ATP1B3: variants seen among roughly 807,000 people sequenced by gnomAD.
ATP1B3 encodes ATPase Na+/K+ transporting subunit beta 3, also known as sodium/potassium-transporting ATPase subunit beta-3.
In ATP1B3, 10 loss-of-function variants were observed where a neutral mutation model predicts 30.2. The observed-to-expected ratio is 0.33, with a 90% CI of 0.20 to 0.56. The LOEUF is 0.56. Among genes scored for constraint, ATP1B3 ranks in the 20% least tolerant of loss-of-function variants. ATP1B3 has a pLI of 0.90. For synonymous variants in ATP1B3, 113 were observed against 117.0 expected, an observed-to-expected ratio of 0.97 and a Z score of 0.22; for missense variants, 238 against 336.7, an observed-to-expected ratio of 0.71 and a Z score of 2.29.
Position 141,890,111 on chromosome 3 carries a change from G to A in ATP1B3, c.109+13201G>A, listed in dbSNP as rs192912464. Among the ~76,000 whole-genome samples the A allele has an allele frequency of 1.4e-3, 138 of 99,454 alleles. 1 individual carries two copies. The East Asian group carries it at 0.035, about 25-fold the overall frequency. 65.2% of individuals were successfully genotyped at this position (99,454 alleles called of 152,430 possible). ...CTTTTTTTTTTTTTTTTTTTTTTGAGACAGAGTGTGGCTCGGTCACCCTGG... is the reference window on the plus strand; with the variant it reads ...CTTTTTTTTTTTTTTTTTTTTTTGAAACAGAGTGTGGCTCGGTCACCCTGG... On this transcript the variant is annotated intron_variant, in intron 1 of 6. Transcript: ENST00000286371.
chr3:141,881,838 A>G (rs1166469739), intron 1 of ATP1B3, among the ~76,000 whole-genome samples: 1 of 152,214 alleles, frequency 6.6e-6, no homozygotes, highest in African/African-American at 2.4e-5. Flanking sequence ...ACGCAGGCCA[A>G]TGGTACATGT....
intron 1 of ATP1B3, among the ~76,000 whole-genome samples, chr3:141,890,068 T>C (rs1450452291): frequency 6.8e-6 from 1 of 146,614 alleles, no homozygotes; most frequent in Non-Finnish European, 1.5e-5. Context: ...AAAAAATGCC[T>C]GTAATCTAAT....
At chr3:141,894,834 G>T (rs1577961359) in intron 1 of ATP1B3, among the ~76,000 whole-genome samples, 1 of 152,208 alleles carries the variant, frequency 6.6e-6, no homozygotes, top group Admixed American at 6.5e-5. Context: ...ACAACAAAAA[G>T]TATAGCATAG....
Position 141,907,183 on chromosome 3 carries a change from A to G in ATP1B3, c.255A>G (p.Pro85=). The G allele has an allele frequency of 6.2e-7, 1 of 1,609,884 alleles. No individual in the cohort carries two copies. ...QIPSPGLMVF[P]KPVTALEYTF... Reference sequence around the variant, plus strand: ...TCTTTATAGGACTCATGGTTTTTCCAAAACCAGTGACCGCATTGGAATATA... The same window carrying G: ...TCTTTATAGGACTCATGGTTTTTCCGAAACCAGTGACCGCATTGGAATATA... Residue 85 remains proline, a synonymous_variant, in exon 3 of 7, where the codon CCA becomes CCG. Coordinates refer to ENST00000286371, the MANE Select transcript of ATP1B3 (RefSeq NM_001679.4).
intron 1 of ATP1B3, among the ~76,000 whole-genome samples, chr3:141,885,379 C>G (rs1170066442): frequency 6.6e-6 from 1 of 152,226 alleles, no homozygotes; most frequent in Non-Finnish European, 1.5e-5. Flanking sequence ...TTCATTAACA[C>G]TCCCACCAAC....
chr3:141,889,847 A>G (rs1398000055), intron 1 of ATP1B3, among the ~76,000 whole-genome samples: 1 of 149,394 alleles, frequency 6.7e-6, no homozygotes, highest in Non-Finnish European at 1.5e-5. Context: ...ATATATATAC[A>G]GTTCTCCAAA....
intron 1 of ATP1B3, among the ~76,000 whole-genome samples, chr3:141,877,358 T>C (rs1047485304): frequency 6.6e-6 from 1 of 152,030 alleles, no homozygotes; most frequent in African/African-American, 2.4e-5. Context: ...AGCCAGACCC[T>C]GCCCCACTCC....
chr3:141,918,770 T>C (rs1252381510), intron 5 of ATP1B3: 1 of 152,196 alleles, frequency 6.6e-6, no homozygotes, highest in Non-Finnish European at 1.5e-5. Context: ...TTCTTCTTGT[T>C]TATCTATTAC....
intron 1 of ATP1B3, among the ~76,000 whole-genome samples, chr3:141,879,745 C>T (rs1264109590): frequency 7.3e-6 from 1 of 136,274 alleles, no homozygotes; most frequent in Non-Finnish European, 1.5e-5. Flanking sequence ...CACCACTGCA[C>T]TCCAGCCTGG....
intron 1 of ATP1B3, among the ~76,000 whole-genome samples, chr3:141,899,622 C>T (rs900554295): frequency 1.3e-5 from 2 of 152,182 alleles, no homozygotes; most frequent in Non-Finnish European, 2.9e-5. Flanking sequence ...GTAATCCCAG[C>T]ACTTTGGAAG....
At chr3:141,890,249 ATTTTTTGATTTTTGT>A (rs1402075813) in intron 1 of ATP1B3, among the ~76,000 whole-genome samples, 6 of 93,068 alleles carry the variant, frequency 6.4e-5, no homozygotes, top group Non-Finnish European at 8.8e-5. Context: ...CACCTGGCTA[ATTTTTTGATTTTTGT>A]TTGTTTGTTT....
At chr3:141,906,024 CATAT>C (rs1934259119) in intron 2 of ATP1B3, among the ~76,000 whole-genome samples, 1 of 121,102 alleles carries the variant, frequency 8.3e-6, no homozygotes, top group African/African-American at 2.6e-5. Context: ...ACATGTAATA[CATAT>C]ATAATATGTA....
intron 2 of ATP1B3, among the ~76,000 whole-genome samples, chr3:141,904,757 T>C (rs1934233703): frequency 7.1e-6 from 1 of 141,486 alleles, no homozygotes. Flanking sequence ...TTGCCTAGGC[T>C]GGAGTGCAAT....
At chr3:141,892,676 A>AC (rs1577960311) in intron 1 of ATP1B3, among the ~76,000 whole-genome samples, 1 of 138,880 alleles carries the variant, frequency 7.2e-6, no homozygotes, top group East Asian at 2.1e-4. Context: ...AAAAAAAAAA[A>AC]CAGTTATCGA....
At chr3:141,880,179 T>C (rs561153736) in intron 1 of ATP1B3, among the ~76,000 whole-genome samples, 2 of 152,348 alleles carry the variant, frequency 1.3e-5, no homozygotes, top group African/African-American at 4.8e-5. Flanking sequence ...ATTTACATTT[T>C]GGATAAAGTG....
chr3:141,911,341 T>C (rs1177609056), intron 3 of ATP1B3, among the ~76,000 whole-genome samples: 2 of 152,152 alleles, frequency 1.3e-5, no homozygotes, highest in African/African-American at 4.8e-5. Context: ...GCCCTCCTTT[T>C]TCATGTTTGA....
chr3:141,886,542 A>G (rs1432062692), intron 1 of ATP1B3, among the ~76,000 whole-genome samples: 3 of 152,206 alleles, frequency 2.0e-5, no homozygotes, highest in African/African-American at 7.2e-5. Flanking sequence ...ATCATAATAA[A>G]AAGTGAACTG....
intron 1 of ATP1B3, among the ~76,000 whole-genome samples, chr3:141,891,432 T>C (rs1933950607): frequency 6.6e-6 from 1 of 152,236 alleles, no homozygotes; most frequent in Non-Finnish European, 1.5e-5. Context: ...AGACTTGGTG[T>C]CTTTTACTGG....
chr3:141,880,004 C>A (rs80328630), intron 1 of ATP1B3, among the ~76,000 whole-genome samples: 1 of 151,640 alleles, frequency 6.6e-6, no homozygotes, highest in East Asian at 1.9e-4. Flanking sequence ...TGCTAGGACT[C>A]CTGGTGTGTC....
Sources: allele counts gnomAD v4.1 joint callset (sites outside exome capture counted in the v4.1 genomes callset), GRCh38; gene constraint gnomAD v4.1.1; transcripts MANE v1.5; gene names NCBI Gene and HGNC (gene_info 2026-07-23, HGNC 2026-07-21).